ATMIN: variants seen among roughly 807,000 people sequenced by gnomAD.
ATMIN encodes the protein ATM interactor.
Under a neutral mutation model 49.2 loss-of-function variants are expected in ATMIN, and 24 were observed. That is an observed-to-expected ratio of 0.49 (90% confidence interval 0.35 to 0.69). ATMIN has a LOEUF of 0.69. Among genes scored for constraint, ATMIN ranks in the 30% least tolerant of loss-of-function variants. The probability of loss-of-function intolerance (pLI) is 0.00; values close to 1 mark genes in which losing one functional copy is unlikely to be tolerated. For synonymous variants in ATMIN, 450 were observed against 392.5 expected, an observed-to-expected ratio of 1.15 and a Z score of -1.73; for missense variants, 1,037 against 1,005.5, an observed-to-expected ratio of 1.03 and a Z score of -0.42.
Position 81,045,427 on chromosome 16 carries a change from C to G in ATMIN, c.*457C>G, listed in dbSNP as rs1330962774. The G allele has an allele frequency of 6.3e-6, 1 of 157,498 alleles. No homozygotes were observed. The highest frequency in any genetic ancestry group is 2.4e-5 in the African/African-American group (1 of 41,474). 9.8% of individuals were successfully genotyped at this position (157,498 alleles called of 1,614,324 possible). A position where few individuals can be genotyped will look rare whatever the true frequency, so the allele number is the denominator to read the frequency against. On this transcript the variant is annotated 3_prime_UTR_variant, in exon 4 of 4. Coordinates refer to ENST00000299575, the MANE Select transcript of ATMIN (RefSeq NM_015251.3). ...TTCCTGTTACTAATCACTAAAGAAA[C>G]CGGATGCTGCCACCGTAGGATTTAA... is the stretch of plus-strand genomic sequence containing the variant.
chr16:81,042,871 C>G (rs893837601), intron 3 of ATMIN, among the ~76,000 whole-genome samples: 5 of 152,120 alleles, frequency 3.3e-5, no homozygotes, highest in African/African-American at 9.7e-5. Flanking sequence ...ATAAAACTTG[C>G]ATTATGTAAG....
intron 2 of ATMIN, chr16:81,041,796 C>A: frequency 4.2e-6 from 1 of 238,474 alleles, no homozygotes; most frequent in Non-Finnish European, 8.1e-6. Context: ...AGCGCAAAGG[C>A]ACAAAGGAAC....
rs15148 is a variant in ATMIN, at chr16:81,044,936, C to T, written c.2438C>T (p.Thr813Ile). ...CAGTTCAGCTCTGTAGAAACCCAGACTTCTGCGGAACCACACACAGTCTCC... is the reference window on the plus strand; with the variant it reads ...CAGTTCAGCTCTGTAGAAACCCAGATTTCTGCGGAACCACACACAGTCTCC... Reference protein sequence around the residue: ...ESQFSSVETQTSAEPHTVSNF With the variant: ...ESQFSSVETQISAEPHTVSNF Residue 813 changes from threonine (T) to isoleucine (I), a missense_variant, in exon 4 of 4, where the codon ACT (threonine) becomes ATT (isoleucine). By Grantham distance (89) the Thr-to-Ile change is moderately conservative. Transcript: ENST00000299575. 6.2e-7 allele frequency: 1 copy of T among 1,613,922 alleles called. No homozygotes were observed.
At position 81,044,135 on chromosome 16, in the gene ATMIN, T is replaced by C. The variant is rs756028893; in HGVS notation, c.1637T>C (p.Leu546Ser). 1 of 1,614,216 alleles carries C rather than the reference T, an allele frequency of 6.2e-7. No homozygotes were observed. Among genetic ancestry groups the C allele is most frequent in the African/African-American group, 1.3e-5 (1 of 75,064 alleles). ...SLVAETVTHS[L>S]LPQNEPKTLN... ...GTAGCAGAGACAGTAACTCATAGTT[T>C]GTTACCTCAGAATGAGCCTAAGACT... The change falls in exon 4 of 4, where the codon TTG (leucine) becomes TCG (serine). Residue 546 changes from leucine (L) to serine (S), a missense_variant. By Grantham distance (145) the Leu-to-Ser change is moderately radical (BLOSUM62 -2). Coordinates refer to ENST00000299575, the MANE Select transcript of ATMIN (RefSeq NM_015251.3).
intron 1 of ATMIN, among the ~76,000 whole-genome samples, chr16:81,038,123 T>C (rs762796373): frequency 6.6e-6 from 1 of 151,616 alleles, no homozygotes; most frequent in Non-Finnish European, 1.5e-5. Context: ...TGTTTCTAAT[T>C]ATGTTGGGTT....
chr16:81,041,984 T>C (rs544746511), intron 2 of ATMIN, among the ~76,000 whole-genome samples: 9 of 152,298 alleles, frequency 5.9e-5, no homozygotes, highest in African/African-American at 2.2e-4. Context: ...GAGAAGAGCA[T>C]TGTAAAGACA....
rs1274360812 is a variant in ATMIN at position 81,043,361 on chromosome 16, C to G, written c.863C>G (p.Pro288Arg). ...GACAAGCAGACTCTTACAACACCAC[C>G]GAGATATCCTCAGAAGTTGCTTTTA... ...NTDKQTLTTP[P>R]RYPQKLLLPK... The change falls in exon 4 of 4, where the codon CCG (proline) becomes CGG (arginine). Residue 288 changes from proline (P) to arginine (R), a missense_variant. Pro to Arg is a moderately radical substitution (Grantham distance 103). Transcript: ENST00000299575. 1.2e-6 allele frequency: 2 copies of G among 1,613,944 alleles called. No homozygotes were observed. Among genetic ancestry groups the G allele is most frequent in the South Asian group, 2.2e-5 (2 of 91,074 alleles).
At chr16:81,040,863 C>A in intron 1 of ATMIN, 1 of 155,566 alleles carries the variant, frequency 6.4e-6, no homozygotes, top group South Asian at 1.9e-4. Flanking sequence ...TGACAAAATC[C>A]ACATAAATAG....
chr16:81,041,161 A>T (rs1971030328), intron 1 of ATMIN, 195 bp from the exon 2 acceptor site: 2 of 531,344 alleles, frequency 3.8e-6, no homozygotes, highest in Non-Finnish European at 6.7e-6. Flanking sequence ...AGAATTTTAG[A>T]GTCTTGCTTA....
chr16:81,036,351 C>A, intron 1 of ATMIN, 145 bp downstream of exon 1: 1 of 821,806 alleles, frequency 1.2e-6, no homozygotes, highest in Non-Finnish European at 1.5e-6. Flanking sequence ...CCCTCCCCGG[C>A]CGGAGGCGGC....
chr16:81,045,061 A>C lies in ATMIN; in HGVS notation c.*91A>C, dbSNP rs1364231144. ...GGGGACAACAGTATTAATTCGATTG[A>C]ATGTGGCTGATGATGCAGTTGCTTA... On this transcript the variant is annotated 3_prime_UTR_variant, in exon 4 of 4. Coordinates refer to ENST00000299575, the MANE Select transcript of ATMIN (RefSeq NM_015251.3). The C allele has an allele frequency of 2.0e-6, 3 of 1,478,902 alleles. No homozygotes were observed. Among genetic ancestry groups the C allele is most frequent in the Non-Finnish European group, 2.7e-6 (3 of 1,103,096 alleles). The allele number at this position is 1,478,902 out of a possible 1,614,324, so 91.6% of individuals were successfully genotyped here. A position where few individuals can be genotyped will look rare whatever the true frequency, so the allele number is the denominator to read the frequency against.
chr16:81,036,943 C>G (rs1970947770), intron 1 of ATMIN, among the ~76,000 whole-genome samples: 1 of 152,202 alleles, frequency 6.6e-6, no homozygotes, highest in Non-Finnish European at 1.5e-5. Flanking sequence ...TTGGTAAGAT[C>G]AGCTCAGGAC....
At chr16:81,037,526 C>G (rs147927795) in intron 1 of ATMIN, 4 of 982,054 alleles carry the variant, frequency 4.1e-6, no homozygotes, top group African/African-American at 1.7e-5. Context: ...GACTGAAAAG[C>G]TCTGGGTTTC....
intron 1 of ATMIN, among the ~76,000 whole-genome samples, chr16:81,038,416 C>A (rs1970983098): frequency 6.6e-6 from 1 of 152,194 alleles, no homozygotes. Flanking sequence ...CAGGTGTGAG[C>A]CACTGTGCCC....
chr16:81,037,358 C>T (rs774833738), intron 1 of ATMIN: 1 of 985,414 alleles, frequency 1.0e-6, no homozygotes, highest in Non-Finnish European at 1.2e-6. Flanking sequence ...AGGTTGTAGT[C>T]TCTAGTAGGA....
At chr16:81,037,107 C>G (rs950608250) in intron 1 of ATMIN, 3 of 886,014 alleles carry the variant, frequency 3.4e-6, no homozygotes, top group African/African-American at 3.6e-5. Context: ...TATTAAAAAT[C>G]CAGATGTCCA....
intron 2 of ATMIN, 122 bp from the exon 3 acceptor site, chr16:81,042,159 C>T (rs527288587): frequency 2.2e-5 from 18 of 817,572 alleles, no homozygotes; most frequent in Admixed American, 4.3e-5. Context: ...ACTTGGACTG[C>T]TGTATTTTAT....
intron 2 of ATMIN, among the ~76,000 whole-genome samples, chr16:81,042,009 G>C (rs1218524798): frequency 1.3e-5 from 2 of 152,160 alleles, no homozygotes; most frequent in Non-Finnish European, 2.9e-5. Context: ...TTTCCTGCCT[G>C]CAGCACTTAC....
At position 81,043,905 on chromosome 16, in the gene ATMIN, T is replaced by G. The variant is rs202159810; in HGVS notation, c.1407T>G (p.Thr469=). The G allele has an allele frequency of 3.1e-6, 5 of 1,614,172 alleles. 1 individual carries two copies. The Admixed American group carries it at 5.0e-5, about 16-fold the overall frequency. The change falls in exon 4 of 4, where the codon ACT becomes ACG. Residue 469 remains threonine (T), a synonymous_variant. Coordinates refer to ENST00000299575, the MANE Select transcript of ATMIN (RefSeq NM_015251.3). The part of the protein sequence containing the change: ...TQTFLPSSKV[T]SSIAAQTDAF... ...CATTTTTGCCCAGCTCTAAGGTAAC[T>G]TCATCTATAGCTGCTCAGACTGATG...
Sources: allele counts gnomAD v4.1 joint callset (sites outside exome capture counted in the v4.1 genomes callset), GRCh38; gene constraint gnomAD v4.1.1; transcripts MANE v1.5; gene names NCBI Gene and HGNC (gene_info 2026-07-23, HGNC 2026-07-21).